ELN: variants seen among roughly 807,000 people sequenced by gnomAD.
The protein encoded by ELN is elastin.
In ELN, 65 loss-of-function variants were observed where a neutral mutation model predicts 105.8. The observed-to-expected ratio is 0.61, with a 90% CI of 0.50 to 0.75. The LOEUF is 0.75. Ranked by LOEUF, ELN falls within the 30% of genes least tolerant of loss-of-function variation. ELN has a pLI of 0.00. For synonymous variants in ELN, 368 were observed against 389.2 expected, an observed-to-expected ratio of 0.95 and a Z score of 0.64; for missense variants, 882 against 969.4, an observed-to-expected ratio of 0.91 and a Z score of 1.20.
chr7:74,039,177 A>G (rs1334887001), intron 4 of ELN, among the ~76,000 whole-genome samples: 1 of 152,234 alleles, frequency 6.6e-6, no homozygotes, highest in Admixed American at 6.5e-5. Context: ...GAGGAAAGAC[A>G]GACAACTCCC....
chr7:74,051,146 C>T (rs536000955), intron 15 of ELN, among the ~76,000 whole-genome samples: 1 of 152,312 alleles, frequency 6.6e-6, no homozygotes, highest in African/African-American at 2.4e-5. Flanking sequence ...GGTCAGACCA[C>T]TAGGGCTGAA....
chr7:74,051,321 G>A (rs1261351326), intron 15 of ELN, among the ~76,000 whole-genome samples: 12 of 152,206 alleles, frequency 7.9e-5, no homozygotes, highest in Admixed American at 2.0e-4. Context: ...TGGTGGGGAC[G>A]GCTGCAATGT....
intron 15 of ELN, among the ~76,000 whole-genome samples, chr7:74,050,305 G>C (rs1480577150): frequency 3.9e-5 from 5 of 129,078 alleles, no homozygotes; most frequent in South Asian, 2.6e-4. Context: ...ATTCCTCCAT[G>C]CATCCATTCC....
At chr7:74,037,474 G>T (rs985843931) in intron 3 of ELN, among the ~76,000 whole-genome samples, 1 of 152,146 alleles carries the variant, frequency 6.6e-6, no homozygotes, top group African/African-American at 2.4e-5. Flanking sequence ...GATTACAGGC[G>T]TGAGCCACCA....
chr7:74,050,513 C>CCATG (rs1793795036), intron 15 of ELN, among the ~76,000 whole-genome samples: 2 of 151,984 alleles, frequency 1.3e-5, no homozygotes, highest in Non-Finnish European at 2.9e-5. Flanking sequence ...ATCCATTCCT[C>CCATG]CATGCACCCA....
intron 4 of ELN, 155 bp downstream of exon 4, chr7:74,037,894 A>G (rs1790355411): frequency 3.5e-6 from 4 of 1,134,964 alleles, no homozygotes; most frequent in Non-Finnish European, 5.1e-6. Context: ...TTAGCCTCCC[A>G]AGGATGAGTA....
chr7:74,063,964 G>A lies in ELN; in HGVS notation c.1993+269G>A, dbSNP rs572580684. Among the ~76,000 whole-genome samples, 4 of 152,156 alleles carry A rather than the reference G, an allele frequency of 2.6e-5. No individual in the cohort carries two copies. Among genetic ancestry groups the A allele is most frequent in the South Asian group, 4.2e-4 (2 of 4,818 alleles). ...CCAAAAATACAAAAATAAGCCGGGC[G>A]TGGTGGTGGGCACCTGTATTTCCAG... On this transcript the variant is annotated intron_variant, in intron 29 of 32. Coordinates refer to ENST00000252034, the MANE Select transcript of ELN (RefSeq NM_000501.4). The surrounding 1 kb of genome is among the most constrained non-coding windows in gnomAD (Gnocchi z 4.1).
At chr7:74,056,589 C>A in intron 20 of ELN, 83 bp from the exon 21 acceptor site, 2 of 1,608,744 alleles carry the variant, frequency 1.2e-6, no homozygotes, top group Non-Finnish European at 8.5e-7. Context: ...CCATGCCTTA[C>A]AGGGCAGAAG....
chr7:74,054,881 C>G, intron 19 of ELN, 112 bp downstream of exon 19: 3 of 1,187,780 alleles, frequency 2.5e-6, no homozygotes. Context: ...CCAAGGTCAC[C>G]GAGCAAGTCA....
Position 74,063,607 on chromosome 7 carries a change from A to G in ELN, c.1919-14A>G. On this transcript the variant is annotated splice_polypyrimidine_tract_variant and intron_variant, in intron 28 of 32. Coordinates refer to ENST00000252034, the MANE Select transcript of ELN (RefSeq NM_000501.4). The surrounding 1 kb of genome is among the most constrained non-coding windows in gnomAD (Gnocchi z 4.1). ...TTCTGACCAGCGGAGTCTAATGCTC[A>G]GCTGTCTCCACAGGCCTAGTGGGAG... The G allele has an allele frequency of 6.2e-7, 1 of 1,614,168 alleles. No individual in the cohort carries two copies. The highest frequency in any genetic ancestry group is 8.5e-7 in the Non-Finnish European group (1 of 1,180,026).
At position 74,048,505 on chromosome 7, in the gene ELN, G is replaced by T. The variant is rs1554673922; in HGVS notation, c.748G>T (p.Val250Phe). Residue 250 changes from valine (V) to phenylalanine (F), a missense_variant and splice_region_variant, in exon 15 of 33, where the codon GTT (valine) becomes TTT (phenylalanine). Val to Phe is a conservative substitution (Grantham distance 50). Coordinates refer to ENST00000252034, the MANE Select transcript of ELN (RefSeq NM_000501.4). ...TCCCCTCTGCTTCCTTCCCCCAGGG[G>T]TTGGCCCCCAGGCAGCAGCAGCAGC... is the stretch of plus-strand genomic sequence containing the variant. ...GKAGYPTGTG[V>F]GPQAAAAAAA... 6.2e-7 allele frequency: 1 copy of T among 1,614,010 alleles called. No individual in the cohort carries two copies. Among genetic ancestry groups the T allele is most frequent in the East Asian group, 2.2e-5 (1 of 44,888 alleles).
chr7:74,066,723 C>T lies in ELN; in HGVS notation c.2087-9C>T. On this transcript the variant is annotated splice_polypyrimidine_tract_variant and intron_variant, in intron 31 of 32. Transcript: ENST00000252034. ...CTACCAACCCACCAACCTGAAATCT[C>T]TCCTGCAGGAGTGGCAGCAAGACCT... The T allele has an allele frequency of 6.2e-7, 1 of 1,613,984 alleles. No individual in the cohort carries two copies. The highest frequency in any genetic ancestry group is 1.7e-5 in the Admixed American group (1 of 60,016).
Position 74,066,754 on chromosome 7 carries a change from C to T in ELN, c.2109C>T (p.Phe703=), listed in dbSNP as rs149755814. 660 of 1,613,612 alleles carry T rather than the reference C, an allele frequency of 4.1e-4. No individual in the cohort carries two copies. Among genetic ancestry groups the T allele is most frequent in the Non-Finnish European group, 5.1e-4 (600 of 1,179,684 alleles). The change falls in exon 32 of 33, where the codon TTC becomes TTT. Residue 703 remains phenylalanine, a synonymous_variant. Coordinates refer to ENST00000252034, the MANE Select transcript of ELN (RefSeq NM_000501.4). The part of the protein sequence containing the change: ...PLGGVAARPG[F]GLSPIFPGGA... Reference sequence around the variant, plus strand: ...CAGGAGTGGCAGCAAGACCTGGCTTCGGATTGTCTCCCATTTTCCCAGGTA... The same window carrying T: ...CAGGAGTGGCAGCAAGACCTGGCTTTGGATTGTCTCCCATTTTCCCAGGTA...
At chr7:74,040,625 T>C (rs781907547) in intron 4 of ELN, among the ~76,000 whole-genome samples, 1 of 152,136 alleles carries the variant, frequency 6.6e-6, no homozygotes, top group Non-Finnish European at 1.5e-5. Context: ...TGATGGCCCA[T>C]TGGTCCTGGC....
At chr7:74,039,370 G>A (rs1485840951) in intron 4 of ELN, among the ~76,000 whole-genome samples, 6 of 152,200 alleles carry the variant, frequency 3.9e-5, no homozygotes, top group South Asian at 2.1e-4. Flanking sequence ...TGACCTCCCC[G>A]AAGACTCAGG....
intron 29 of ELN, among the ~76,000 whole-genome samples, chr7:74,065,072 C>T (rs78804634): frequency 6.6e-6 from 1 of 151,722 alleles, no homozygotes; most frequent in Non-Finnish European, 1.5e-5. Context: ...AAGACCCCCC[C>T]CCACCACCAC....
chr7:74,035,247 T>C, intron 1 of ELN, 117 bp from the exon 2 acceptor site: 2 of 969,248 alleles, frequency 2.1e-6, no homozygotes, highest in Non-Finnish European at 3.3e-6. Flanking sequence ...GCATTATTCT[T>C]GTTTCCATGT....
rs727503030 is a variant in ELN at position 74,054,770 on chromosome 7, G to A, written c.1150+1G>A. ...GCAGCTGCAAAGGCAGCCAAATACGGTGAGTGCTATGCTGACAGCTCTGCC... is the reference window on the plus strand; with the variant it reads ...GCAGCTGCAAAGGCAGCCAAATACGATGAGTGCTATGCTGACAGCTCTGCC... On this transcript the variant is annotated splice_donor_variant, in intron 19 of 32. Coordinates refer to ENST00000252034, the MANE Select transcript of ELN (RefSeq NM_000501.4). LOFTEE classifies it high-confidence loss of function. The A allele has an allele frequency of 1.2e-4, 186 of 1,613,994 alleles. No homozygotes were observed. The highest frequency in any genetic ancestry group is 1.5e-4 in the Non-Finnish European group (180 of 1,180,046).
intron 1 of ELN, among the ~76,000 whole-genome samples, chr7:74,029,420 A>G (rs1477934212): frequency 6.6e-6 from 1 of 151,480 alleles, no homozygotes; most frequent in African/African-American, 2.4e-5. Context: ...CCAACGGGGG[A>G]GGACAGAAGA....
Sources: gnomAD v4.1 joint callset for allele counts (sites outside exome capture counted in the v4.1 genomes callset) on GRCh38, gnomAD v4.1.1 for gene constraint, Gnocchi (gnomAD v3.1) non-coding constraint, MANE v1.5 for transcripts, NCBI Gene and HGNC (gene_info 2026-07-23, HGNC 2026-07-21) for gene names.